Variants in ERGIC1 observed in about 807,000 individuals in gnomAD.
ERGIC1 encodes endoplasmic reticulum-Golgi intermediate compartment protein 1.
ERGIC1 carries 19 observed loss-of-function variants against 38.3 expected under a neutral mutation model. That is an observed-to-expected ratio of 0.50 (90% confidence interval 0.35 to 0.73). The LOEUF is 0.73. Among genes scored for constraint, ERGIC1 ranks in the 30% least tolerant of loss-of-function variants. The pLI, the probability that ERGIC1 is intolerant of heterozygous loss-of-function variation, is 0.01. For missense variants in ERGIC1, 294 were observed against 389.2 expected (o/e 0.76, Z 2.06); for synonymous variants, 124 against 157.6 (o/e 0.79, Z 1.60).
Position 172,847,380 on chromosome 5 carries a change from C to T in ERGIC1, c.20+12947C>T, listed in dbSNP as rs76372003. 7.8e-4 allele frequency among the ~76,000 whole-genome samples: 119 copies of T among 152,296 alleles called. 3 individuals are homozygous for T. In the East Asian group the frequency reaches 0.022, roughly 28 times the overall value. On this transcript the variant is annotated intron_variant, in intron 1 of 9. Transcript: ENST00000393784. ...GCCCAGAGGAAGAGGAAAGAAAGTG[C>T]TTTCATGAGCATGTTAATAAGCATG...
intron 5 of ERGIC1, chr5:172,916,022 G>A (rs575383831): frequency 1.2e-4 from 23 of 190,766 alleles, no homozygotes; most frequent in Admixed American, 6.4e-4. Flanking sequence ...CACTGGGTCC[G>A]TGTTCCCGCT....
At chr5:172,922,833 C>T (rs888964367) in intron 5 of ERGIC1, among the ~76,000 whole-genome samples, 1 of 152,162 alleles carries the variant, frequency 6.6e-6, no homozygotes, top group African/African-American at 2.4e-5. Context: ...TTAAAAAGAT[C>T]TTAACAGTCA....
At chr5:172,836,600 A>G (rs1486481174) in intron 1 of ERGIC1, among the ~76,000 whole-genome samples, 1 of 152,208 alleles carries the variant, frequency 6.6e-6, no homozygotes, top group Non-Finnish European at 1.5e-5. Context: ...GGGTTCGACC[A>G]TCCCCATGCA....
At chr5:172,924,953 A>G (rs1023646780) in intron 6 of ERGIC1, among the ~76,000 whole-genome samples, 19 of 152,122 alleles carry the variant, frequency 1.2e-4, no homozygotes, top group African/African-American at 4.3e-4. Flanking sequence ...AAATAATGGT[A>G]CAGGCCAGGT....
chr5:172,876,532 A>G (rs750270844), intron 1 of ERGIC1, among the ~76,000 whole-genome samples: 3 of 152,206 alleles, frequency 2.0e-5, no homozygotes, highest in Non-Finnish European at 2.9e-5. Flanking sequence ...CACTTAATGT[A>G]TGGGATGTAT....
At chr5:172,912,716 T>G (rs1249410317) in intron 4 of ERGIC1, among the ~76,000 whole-genome samples, 1 of 151,992 alleles carries the variant, frequency 6.6e-6, no homozygotes, top group Non-Finnish European at 1.5e-5. Flanking sequence ...TAAAAGGCAC[T>G]TAGAAGAGAG....
intron 7 of ERGIC1, among the ~76,000 whole-genome samples, chr5:172,928,047 G>A (rs899012655): frequency 6.6e-6 from 1 of 152,158 alleles, no homozygotes; most frequent in Non-Finnish European, 1.5e-5. Context: ...GGTTGTAATA[G>A]AGGTAGATGA....
intron 1 of ERGIC1, among the ~76,000 whole-genome samples, chr5:172,876,191 G>A (rs189542635): frequency 1.9e-4 from 29 of 152,306 alleles, no homozygotes; most frequent in African/African-American, 6.7e-4. Flanking sequence ...TTCAGGCAGG[G>A]GCAGCCTGGT....
In ERGIC1 at chr5:172,944,294, G is replaced by C. The variant is rs528184634; in HGVS notation, c.766-6415G>C. Among the ~76,000 whole-genome samples the C allele has an allele frequency of 2.0e-5, 3 of 152,270 alleles. No individual in the cohort carries two copies. The South Asian group carries it at 6.2e-4, about 32-fold the overall frequency. ...GGTTGGGAGATACAAGAGCGTGGCA[G>C]TGGCAAGGGACCAAGCCACTCTCAG... On this transcript the variant is annotated intron_variant, in intron 9 of 9. Transcript: ENST00000393784.
intron 1 of ERGIC1, among the ~76,000 whole-genome samples, chr5:172,858,511 A>G: frequency 6.6e-6 from 1 of 152,160 alleles, no homozygotes; most frequent in Non-Finnish European, 1.5e-5. Flanking sequence ...GGAACAACTC[A>G]CAATTTGCAC....
intron 7 of ERGIC1, among the ~76,000 whole-genome samples, chr5:172,929,879 C>G (rs1763735809): frequency 6.6e-6 from 1 of 152,092 alleles, no homozygotes; most frequent in African/African-American, 2.4e-5. Flanking sequence ...AAAAGTTGAT[C>G]ATGATGTTCA....
At chr5:172,911,428 T>C (rs1200958581) in intron 4 of ERGIC1, among the ~76,000 whole-genome samples, 1 of 152,160 alleles carries the variant, frequency 6.6e-6, no homozygotes, top group East Asian at 1.9e-4. Flanking sequence ...GGAAGAGATG[T>C]GGTTCCAGGA....
In ERGIC1 at chr5:172,920,307, CCT is replaced by C. The variant is rs1763478002; in HGVS notation, c.376-3692_376-3691del. On this transcript the variant is annotated intron_variant, in intron 5 of 9. Coordinates refer to ENST00000393784, the MANE Select transcript of ERGIC1 (RefSeq NM_001031711.3). ...GCAAGGTCAGCAGCCAGCCCCCGCA[CCT>C]CTCTCCCAGCATCAGGCTGAGACTT... 3 of 717,388 alleles carry C rather than the reference CCT, an allele frequency of 4.2e-6. No individual in the cohort carries two copies. In the Admixed American group the frequency reaches 6.0e-5, roughly 14 times the overall value. The allele number at this position is 717,388 out of a possible 1,614,324, so 44.4% of individuals were successfully genotyped here. A position where few individuals can be genotyped will look rare whatever the true frequency, so the allele number is the denominator to read the frequency against.
intron 1 of ERGIC1, among the ~76,000 whole-genome samples, chr5:172,876,620 T>A (rs950378606): frequency 1.3e-5 from 2 of 152,230 alleles, no homozygotes; most frequent in African/African-American, 2.4e-5. Flanking sequence ...AAATGTCACA[T>A]GTCTAAAGTG....
chr5:172,858,889 T>C (rs1173516448), intron 1 of ERGIC1, among the ~76,000 whole-genome samples: 1 of 152,082 alleles, frequency 6.6e-6, no homozygotes, highest in Admixed American at 6.6e-5. Flanking sequence ...ACGGGGGAGA[T>C]TACTGTTTGA....
intron 3 of ERGIC1, among the ~76,000 whole-genome samples, chr5:172,903,369 C>A (rs140102257): frequency 1.4e-4 from 21 of 152,258 alleles, no homozygotes; most frequent in African/African-American, 4.6e-4. Flanking sequence ...GACTAGGATG[C>A]CTGCATCACA....
intron 1 of ERGIC1, among the ~76,000 whole-genome samples, chr5:172,888,347 C>G (rs1435584479): frequency 6.6e-6 from 1 of 152,068 alleles, no homozygotes; most frequent in African/African-American, 2.4e-5. Flanking sequence ...GTAGTCCCAG[C>G]TACTTGGGAG....
At chr5:172,855,614 G>A (rs1305350776) in intron 1 of ERGIC1, among the ~76,000 whole-genome samples, 2 of 152,212 alleles carry the variant, frequency 1.3e-5, no homozygotes, top group African/African-American at 4.8e-5. Flanking sequence ...CTTGCGTGGG[G>A]TGCGAGGAGG....
At chr5:172,857,784 T>C (rs927820419) in intron 1 of ERGIC1, among the ~76,000 whole-genome samples, 6 of 152,106 alleles carry the variant, frequency 3.9e-5, no homozygotes, top group African/African-American at 1.4e-4. Flanking sequence ...TACGTTATGG[T>C]TCCTGGAGTG....
Sources: allele counts gnomAD v4.1 joint callset (sites outside exome capture counted in the v4.1 genomes callset), GRCh38; gene constraint gnomAD v4.1.1; transcripts MANE v1.5; gene names NCBI Gene and HGNC (gene_info 2026-07-23, HGNC 2026-07-21).